LRRC18: variants seen among roughly 807,000 people sequenced by gnomAD.
The protein encoded by LRRC18 is leucine rich repeat containing 18, also known as leucine-rich repeat-containing protein 18.
In LRRC18, 12 loss-of-function variants were observed where a neutral mutation model predicts 11.2. The observed-to-expected ratio is 1.07, with a 90% CI of 0.69 to 1.74. The LOEUF (loss-of-function observed/expected upper bound fraction) is 1.74. Among genes scored for constraint, LRRC18 ranks in the 40% most tolerant of loss-of-function variants. The pLI, the probability that LRRC18 is intolerant of heterozygous loss-of-function variation, is 0.00. For missense variants in LRRC18, 374 were observed against 330.5 expected, an observed-to-expected ratio of 1.13 and a Z score of -1.02; for synonymous variants, 155 against 130.6, an observed-to-expected ratio of 1.19 and a Z score of -1.27.
the LRRC18 span, chr10:48,935,052 A>G: frequency 2.6e-5 from 4 of 152,238 alleles, no homozygotes; most frequent in African/African-American, 9.6e-5. Context: ...TACTGGGAAA[A>G]CAGGCATTTC....
the LRRC18 span, among the ~76,000 whole-genome samples, chr10:48,931,824 A>G: frequency 6.6e-6 from 1 of 152,196 alleles, no homozygotes; most frequent in Non-Finnish European, 1.5e-5. Flanking sequence ...CCAATAAGAG[A>G]GATAGCTTTC....
At chr10:48,910,807 G>A (rs1283926816) in intron 1 of LRRC18, 6 of 568,410 alleles carry the variant, frequency 1.1e-5, no homozygotes, top group Non-Finnish European at 1.3e-5. Flanking sequence ...AAGTAAGGGT[G>A]TTGAGGACCA....
chr10:48,927,742 T>C, the LRRC18 span, among the ~76,000 whole-genome samples: 27 of 152,244 alleles, frequency 1.8e-4, no homozygotes, highest in Admixed American at 1.8e-3. Context: ...AACTTTTATT[T>C]GGAGCAAAAG....
exon 2 of LRRC18, chr10:48,909,933 T>C (rs1426078347): frequency 2.7e-6 from 1 of 371,046 alleles, no homozygotes; most frequent in African/African-American, 2.0e-5. Flanking sequence ...GCCTTTTAAG[T>C]CTTAAAGTCT....
rs745689237 is a variant in LRRC18 at position 48,910,990 on chromosome 10, G to A, written c.765-732C>T. 1.2e-5 allele frequency: 9 copies of A among 770,666 alleles called. No individual in the cohort carries two copies. The African/African-American group carries it at 1.7e-4, about 14-fold the overall frequency. 47.7% of individuals were successfully genotyped at this position (770,666 alleles called of 1,614,324 possible). A position where few individuals can be genotyped will look rare whatever the true frequency, so the allele number is the denominator to read the frequency against. On this transcript the variant is annotated intron_variant, in intron 1 of 1. Transcript: ENST00000374160. The stretch of plus-strand genomic sequence containing the variant: ...TAAAGAAAAAGTGTCTGAAGGGGGA[G>A]AAATTGAAATGGAAAGTCATCATGT...
the LRRC18 span, among the ~76,000 whole-genome samples, chr10:48,921,843 C>T: frequency 6.6e-6 from 1 of 152,120 alleles, no homozygotes; most frequent in Non-Finnish European, 1.5e-5. Flanking sequence ...GATGCTGCAA[C>T]TAGAGTTCTC....
the LRRC18 span, among the ~76,000 whole-genome samples, chr10:48,922,840 A>G: frequency 1.3e-5 from 2 of 152,312 alleles, no homozygotes; most frequent in Middle Eastern, 3.4e-3. Flanking sequence ...AAAAAGCCAT[A>G]ACTTTAGGTG....
At chr10:48,925,328 G>A in the LRRC18 span, among the ~76,000 whole-genome samples, 7 of 152,136 alleles carry the variant, frequency 4.6e-5, no homozygotes, top group Non-Finnish European at 7.4e-5. Flanking sequence ...GAAGTCCATG[G>A]GAGGTGGAGA....
exon 2 of LRRC18, chr10:48,910,038 A>G (rs2133460566): frequency 1.8e-6 from 1 of 561,832 alleles, no homozygotes; most frequent in East Asian, 2.8e-5. Flanking sequence ...TCCCAAAGTC[A>G]TTTTCACACA....
At chr10:48,925,227 C>T in the LRRC18 span, among the ~76,000 whole-genome samples, 1 of 152,218 alleles carries the variant, frequency 6.6e-6, no homozygotes, top group Non-Finnish European at 1.5e-5. Context: ...CTGTGACCTC[C>T]CGAGTGGCTT....
At chr10:48,931,119 ACACACACACAC>A in the LRRC18 span, among the ~76,000 whole-genome samples, 1 of 149,856 alleles carries the variant, frequency 6.7e-6, no homozygotes, top group African/African-American at 2.5e-5. Flanking sequence ...ACACACACAC[ACACACACACAC>A]GATTCCGCTT....
the LRRC18 span, among the ~76,000 whole-genome samples, chr10:48,935,755 G>A: frequency 6.6e-6 from 1 of 152,132 alleles, no homozygotes; most frequent in African/African-American, 2.4e-5. Context: ...TTACTTGATT[G>A]TATGTCATTA....
At chr10:48,931,881 G>A in the LRRC18 span, among the ~76,000 whole-genome samples, 4 of 152,196 alleles carry the variant, frequency 2.6e-5, no homozygotes, top group Non-Finnish European at 5.9e-5. Flanking sequence ...GGAGAATTGA[G>A]AATGATGTGG....
At chr10:48,912,364 C>T (rs76666022) in intron 1 of LRRC18, among the ~76,000 whole-genome samples, 2,471 of 152,310 alleles carry the variant, frequency 0.016, 71 homozygotes, top group African/African-American at 0.054. Context: ...TCCCACTTCA[C>T]GAGTGAGGGA....
the LRRC18 span, among the ~76,000 whole-genome samples, chr10:48,926,264 C>T: frequency 6.6e-6 from 1 of 152,198 alleles, no homozygotes; most frequent in Non-Finnish European, 1.5e-5. Flanking sequence ...GGCCCCAGGC[C>T]CCAGGAAGGG....
At chr10:48,934,245 C>T in the LRRC18 span, among the ~76,000 whole-genome samples, 190 of 152,302 alleles carry the variant, frequency 1.2e-3, 1 homozygote, top group African/African-American at 4.5e-3. Flanking sequence ...ATTATGTGCC[C>T]GACCCTTTGC....
intron 1 of LRRC18, among the ~76,000 whole-genome samples, chr10:48,913,137 C>G (rs1473374639): frequency 6.6e-6 from 1 of 152,196 alleles, no homozygotes; most frequent in African/African-American, 2.4e-5. Flanking sequence ...CATGGACAGG[C>G]CCTTCCTGAC....
chr10:48,917,068 C>G (rs1419831295), upstream of LRRC18, among the ~76,000 whole-genome samples: 19 of 152,116 alleles, frequency 1.2e-4, no homozygotes, highest in African/African-American at 4.1e-4. Flanking sequence ...GTGTTTAGTA[C>G]AGTAACATGC....
chr10:48,913,344 C>G, intron 1 of LRRC18, 48 bp downstream of exon 3: 4 of 1,564,564 alleles, frequency 2.6e-6, no homozygotes, highest in Non-Finnish European at 3.5e-6. Flanking sequence ...CTGCCCTCTT[C>G]CCTCCCTCTC....
Sources: gnomAD v4.1 joint callset for allele counts (sites outside exome capture counted in the v4.1 genomes callset) on GRCh38, gnomAD v4.1.1 for gene constraint, MANE v1.5 for transcripts, NCBI Gene and HGNC (gene_info 2026-07-23, HGNC 2026-07-21) for gene names.